Variants in CHKA observed in about 807,000 individuals in gnomAD.
CHKA encodes CHETK-alpha.
A neutral mutation model predicts 60.1 loss-of-function variants in CHKA; 34 were observed. The ratio of observed to expected loss-of-function variants is 0.57; its 90% CI spans 0.43 to 0.75. The LOEUF (loss-of-function observed/expected upper bound fraction) is 0.75. Among genes scored for constraint, CHKA ranks in the 30% least tolerant of loss-of-function variants. The pLI is 0.00. For synonymous variants in CHKA, 217 were observed against 223.1 expected (o/e 0.97, Z 0.24); for missense variants, 563 against 561.3 (o/e 1.00, Z -0.03).
intron 8 of CHKA, 89 bp from the exon 9 acceptor site, chr11:68,065,983 C>T (rs990560596): frequency 2.2e-5 from 19 of 867,128 alleles, no homozygotes; most frequent in South Asian, 4.6e-5. Flanking sequence ...GGCTGAGTTC[C>T]GAGCACGCCA....
chr11:68,107,407 A>T (rs530564916), intron 1 of CHKA, among the ~76,000 whole-genome samples: 1 of 151,974 alleles, frequency 6.6e-6, no homozygotes, highest in Non-Finnish European at 1.5e-5. Context: ...TTGATTCCCA[A>T]CTTATAATCT....
intron 4 of CHKA, among the ~76,000 whole-genome samples, chr11:68,073,461 C>T (rs898222023): frequency 2.6e-5 from 4 of 152,148 alleles, no homozygotes; most frequent in Admixed American, 1.3e-4. Context: ...CGAGACCAGC[C>T]TAGCCAACAT....
intron 2 of CHKA, among the ~76,000 whole-genome samples, chr11:68,085,465 C>G (rs1470748869): frequency 6.6e-6 from 1 of 151,980 alleles, no homozygotes; most frequent in African/African-American, 2.4e-5. Context: ...AAGTGATCCT[C>G]CTGCCACAGT....
intron 1 of CHKA, among the ~76,000 whole-genome samples, chr11:68,101,037 T>C (rs1354531539): frequency 7.9e-6 from 1 of 126,952 alleles, no homozygotes; most frequent in Non-Finnish European, 1.6e-5. Context: ...AAGCTCCACC[T>C]CCCAGGTTCA....
chr11:68,106,880 G>A (rs1857933927), intron 1 of CHKA, among the ~76,000 whole-genome samples: 1 of 152,182 alleles, frequency 6.6e-6, no homozygotes, highest in Admixed American at 6.6e-5. Flanking sequence ...GCTGCCCTGT[G>A]TACTGCAGGA....
intron 1 of CHKA, among the ~76,000 whole-genome samples, chr11:68,103,420 G>A (rs182648597): frequency 3.3e-5 from 5 of 152,168 alleles, no homozygotes; most frequent in African/African-American, 1.2e-4. Context: ...ACCACCACTA[G>A]TCATTATTAG....
At chr11:68,068,070 T>C (rs765361366) in intron 7 of CHKA, among the ~76,000 whole-genome samples, 1 of 152,150 alleles carries the variant, frequency 6.6e-6, no homozygotes, top group Non-Finnish European at 1.5e-5. Flanking sequence ...TGCAATTGCA[T>C]GGGATGAAGT....
At chr11:68,094,328 G>A (rs953477040) in intron 2 of CHKA, among the ~76,000 whole-genome samples, 2 of 152,124 alleles carry the variant, frequency 1.3e-5, no homozygotes, top group African/African-American at 4.8e-5. Context: ...CATCACTTAA[G>A]GCCAGGAGTT....
At chr11:68,113,810 C>G (rs548730837) in intron 1 of CHKA, among the ~76,000 whole-genome samples, 1 of 152,200 alleles carries the variant, frequency 6.6e-6, no homozygotes, top group South Asian at 2.1e-4. Flanking sequence ...GCCTGGCCAA[C>G]ATGGTGAAAC....
chr11:68,105,537 A>G (rs1312742213), intron 1 of CHKA, among the ~76,000 whole-genome samples: 9 of 150,742 alleles, frequency 6.0e-5, no homozygotes, highest in African/African-American at 1.9e-4. Context: ...AAAAAAAAAA[A>G]AAAGAAAAGA....
intron 1 of CHKA, among the ~76,000 whole-genome samples, chr11:68,109,564 G>A (rs1488587505): frequency 1.3e-5 from 2 of 152,136 alleles, no homozygotes; most frequent in Non-Finnish European, 2.9e-5. Flanking sequence ...AAGCGGGGAG[G>A]AGAACTAAGA....
At chr11:68,092,096 A>G (rs916058609) in intron 2 of CHKA, among the ~76,000 whole-genome samples, 1 of 152,224 alleles carries the variant, frequency 6.6e-6, no homozygotes, top group Non-Finnish European at 1.5e-5. Flanking sequence ...GTTATATTGT[A>G]TAAGTACACA....
At chr11:68,063,401 G>A (rs1856320612) in intron 10 of CHKA, among the ~76,000 whole-genome samples, 1 of 151,956 alleles carries the variant, frequency 6.6e-6, no homozygotes, top group Non-Finnish European at 1.5e-5. Context: ...TTGGGAGGCT[G>A]AGGCAAGAGG....
intron 2 of CHKA, among the ~76,000 whole-genome samples, chr11:68,090,130 A>C (rs1337367979): frequency 6.6e-6 from 1 of 152,262 alleles, no homozygotes; most frequent in Non-Finnish European, 1.5e-5. Flanking sequence ...TATCAAAAGA[A>C]GGCACCAAAG....
intron 1 of CHKA, among the ~76,000 whole-genome samples, chr11:68,116,625 G>A (rs1858392681): frequency 6.6e-6 from 1 of 152,010 alleles, no homozygotes; most frequent in Non-Finnish European, 1.5e-5. Flanking sequence ...GCCGAGGCAG[G>A]AGAATCGCTT....
chr11:68,096,913 T>C (rs1857531757), intron 2 of CHKA, 106 bp downstream of exon 2: 1 of 684,790 alleles, frequency 1.5e-6, no homozygotes, highest in African/African-American at 1.8e-5. Context: ...CAAATATCTT[T>C]AGTAACACCA....
At chr11:68,087,679 T>A (rs1857224279) in intron 2 of CHKA, among the ~76,000 whole-genome samples, 1 of 152,176 alleles carries the variant, frequency 6.6e-6, no homozygotes. Context: ...GATGACATTC[T>A]CTTCTTCCTA....
intron 1 of CHKA, among the ~76,000 whole-genome samples, chr11:68,114,973 G>T (rs913127691): frequency 6.6e-6 from 1 of 152,078 alleles, no homozygotes; most frequent in Admixed American, 6.6e-5. Flanking sequence ...ACTTATGATG[G>T]TTCAACTTAT....
chr11:68,066,310 G>A (rs1856443409), intron 8 of CHKA, 119 bp downstream of exon 8: 2 of 803,758 alleles, frequency 2.5e-6, no homozygotes, highest in Non-Finnish European at 4.1e-6. Flanking sequence ...CTGATTCCAG[G>A]TGAAGCAGCT....
Sources: gnomAD v4.1 joint callset for allele counts (sites outside exome capture counted in the v4.1 genomes callset) on GRCh38, gnomAD v4.1.1 for gene constraint, MANE v1.5 for transcripts, NCBI Gene and HGNC (gene_info 2026-07-23, HGNC 2026-07-21) for gene names.